The following STK24 variants were observed in gnomAD, a reference collection of about 807,000 sequenced individuals.
The protein encoded by STK24 is serine/threonine kinase 24, also known as serine/threonine-protein kinase 24.
A neutral mutation model predicts 55.6 loss-of-function variants in STK24; 21 were observed. That is an observed-to-expected ratio of 0.38 (90% CI 0.27 to 0.54). The LOEUF (loss-of-function observed/expected upper bound fraction) is 0.54. Among genes scored for constraint, STK24 ranks in the 20% least tolerant of loss-of-function variants. The probability of loss-of-function intolerance (pLI) is 0.79; values close to 1 mark genes in which losing one functional copy is unlikely to be tolerated. For synonymous variants in STK24, 200 were observed against 215.2 expected (o/e 0.93, Z 0.62); for missense variants, 383 against 538.4 (o/e 0.71, Z 2.86).
At chr13:98,533,673 T>A (rs1397855055) in intron 1 of STK24, among the ~76,000 whole-genome samples, 1 of 151,958 alleles carries the variant, frequency 6.6e-6, no homozygotes, top group Non-Finnish European at 1.5e-5. Flanking sequence ...AAGAAAAATA[T>A]AAATTCGATT....
chr13:98,575,575 C>T (rs1897868521), intron 1 of STK24, among the ~76,000 whole-genome samples: 2 of 152,128 alleles, frequency 1.3e-5, no homozygotes, highest in African/African-American at 4.8e-5. Context: ...GGGATGATCT[C>T]ACTGGAAGAG....
chr13:98,480,626 A>C (rs1004105389), intron 3 of STK24, among the ~76,000 whole-genome samples: 6 of 152,246 alleles, frequency 3.9e-5, no homozygotes, highest in African/African-American at 1.4e-4. Flanking sequence ...TATGGTTTAT[A>C]ATAATATTTG....
intron 2 of STK24, among the ~76,000 whole-genome samples, chr13:98,511,901 A>ATTTTTTT (rs10641055): frequency 1.4e-5 from 2 of 141,204 alleles, no homozygotes; most frequent in African/African-American, 5.3e-5. Context: ...TTTTACAGTA[A>ATTTTTTT]TTTTTTTTTT....
In STK24 at chr13:98,449,657, C is replaced by G. The variant is rs187736869; in HGVS notation, c.*3516G>C. ...ACTTGCAAACGGACGAAGAGCCTGC[C>G]GTGTGTTAATCATTTGCCTTACAAG... On this transcript the variant is annotated 3_prime_UTR_variant, in exon 11 of 11. Transcript: ENST00000539966. 1 of 152,568 alleles carries G rather than the reference C, an allele frequency of 6.6e-6. No individual in the cohort carries two copies. Among genetic ancestry groups the G allele is most frequent in the South Asian group, 2.1e-4 (1 of 4,814 alleles). The allele number at this position is 152,568 out of a possible 1,614,324, so 9.5% of individuals were successfully genotyped here. A position where few individuals can be genotyped will look rare whatever the true frequency, so the allele number is the denominator to read the frequency against.
At chr13:98,490,307 A>G (rs1429581841) in intron 2 of STK24, among the ~76,000 whole-genome samples, 1 of 152,234 alleles carries the variant, frequency 6.6e-6, no homozygotes, top group African/African-American at 2.4e-5. Flanking sequence ...CTAGAGAAAA[A>G]GAGTTTTTCC....
rs1222919909 is a variant in STK24 at position 98,450,545 on chromosome 13, G to C, written c.*2628C>G. ...GTGTCCACCTCATTGGCAGCAGCCA[G>C]CCAGGACACAGCTCAAAAACGCAGG... On this transcript the variant is annotated 3_prime_UTR_variant, in exon 11 of 11. Coordinates refer to ENST00000539966, the MANE Select transcript of STK24 (RefSeq NM_001032296.4). The C allele has an allele frequency of 6.6e-6, 1 of 152,358 alleles. No individual in the cohort carries two copies. Among genetic ancestry groups the C allele is most frequent in the Non-Finnish European group, 1.5e-5 (1 of 68,178 alleles). 9.4% of individuals were successfully genotyped at this position (152,358 alleles called of 1,614,324 possible).
rs1268485009 is a variant in STK24, at chr13:98,447,674, G to C, written c.*5499C>G. The stretch of plus-strand genomic sequence containing the variant: ...CCCATTTGAGAAGCACCGGTAGAGA[G>C]CAAATACACAAATATATAAAAAGGG... On this transcript the variant is annotated 3_prime_UTR_variant, in exon 11 of 11. Coordinates refer to ENST00000539966, the MANE Select transcript of STK24 (RefSeq NM_001032296.4). 1 of 154,308 alleles carries C rather than the reference G, an allele frequency of 6.5e-6. No individual in the cohort carries two copies. The highest frequency in any genetic ancestry group is 6.4e-5 in the Admixed American group (1 of 15,612). The allele number at this position is 154,308 out of a possible 1,614,324, so 9.6% of individuals were successfully genotyped here.
intron 5 of STK24, among the ~76,000 whole-genome samples, chr13:98,471,522 C>T (rs1001405009): frequency 1.3e-5 from 2 of 152,200 alleles, no homozygotes; most frequent in African/African-American, 4.8e-5. Context: ...AACCAAACTT[C>T]CCCAAATCAC....
chr13:98,501,656 C>G (rs1895468633), intron 2 of STK24, among the ~76,000 whole-genome samples: 1 of 152,032 alleles, frequency 6.6e-6, no homozygotes, highest in Admixed American at 6.6e-5. Flanking sequence ...ACTGTGTACC[C>G]ACAAAAATTA....
chr13:98,492,114 C>G (rs1451943130), intron 2 of STK24, among the ~76,000 whole-genome samples: 1 of 146,760 alleles, frequency 6.8e-6, no homozygotes, highest in East Asian at 2.0e-4. Context: ...TGTGTGTAAA[C>G]AAATCAACAG....
chr13:98,536,132 C>A (rs75268516), intron 1 of STK24, among the ~76,000 whole-genome samples: 2 of 152,086 alleles, frequency 1.3e-5, no homozygotes, highest in South Asian at 4.1e-4. Flanking sequence ...TAGGAACACA[C>A]GTATCCTGCC....
Position 98,488,872 on chromosome 13 carries a change from T to A in STK24, c.274-6551A>T, listed in dbSNP as rs188085497. 3.9e-5 allele frequency among the ~76,000 whole-genome samples: 6 copies of A among 152,208 alleles called. No individual in the cohort carries two copies. In the East Asian group the frequency reaches 1.2e-3, roughly 29 times the overall value. On this transcript the variant is annotated intron_variant, in intron 2 of 10. Transcript: ENST00000539966. ...AACAGTGAAGATTTTAAAACAGGAA[T>A]TCGAAACTGCAACTCTGCTCTGCAC...
At chr13:98,523,601 G>T (rs1163171001) in intron 1 of STK24, among the ~76,000 whole-genome samples, 1 of 152,198 alleles carries the variant, frequency 6.6e-6, no homozygotes, top group Non-Finnish European at 1.5e-5. Context: ...CGAAAATGGT[G>T]TGGTCAGAAA....
intron 5 of STK24, among the ~76,000 whole-genome samples, chr13:98,469,582 G>A (rs1380890140): frequency 6.6e-6 from 1 of 151,808 alleles, no homozygotes; most frequent in Non-Finnish European, 1.5e-5. Flanking sequence ...ATCCTACTAG[G>A]TAGCCATGCC....
chr13:98,576,672 C>A, intron 1 of STK24, 73 bp downstream of exon 1: 1 of 1,307,428 alleles, frequency 7.6e-7, no homozygotes, highest in Non-Finnish European at 1.0e-6. Flanking sequence ...TAGGGGGACG[C>A]CGTGTGGATA....
intron 1 of STK24, among the ~76,000 whole-genome samples, chr13:98,568,262 G>A (rs1190199931): frequency 6.6e-6 from 1 of 152,106 alleles, no homozygotes; most frequent in Non-Finnish European, 1.5e-5. Context: ...CTCCCAAAGT[G>A]CTGAGATTAC....
intron 2 of STK24, among the ~76,000 whole-genome samples, chr13:98,497,438 T>C (rs1594612670): frequency 6.6e-6 from 1 of 152,276 alleles, no homozygotes; most frequent in Non-Finnish European, 1.5e-5. Flanking sequence ...CACCAATGTT[T>C]CTGTTCCCTT....
Position 98,460,386 on chromosome 13 carries a change from G to A in STK24, c.1108C>T (p.Pro370Ser). The A allele has an allele frequency of 6.2e-7, 1 of 1,613,326 alleles. No individual in the cohort carries two copies. Among genetic ancestry groups the A allele is most frequent in the Non-Finnish European group, 8.5e-7 (1 of 1,179,506 alleles). Reference sequence around the variant, plus strand: ...CAGGTACCTACCTCTGCAAACAGAGGAGAAATAATTGTAGATAAACACTGA... The same window carrying A: ...CAGGTACCTACCTCTGCAAACAGAGAAGAAATAATTGTAGATAAACACTGA... ...FSQCLSTIIS[P>S]LFAELKEKSQ... is the part of the protein sequence containing the mutation. Residue 370 changes from proline to serine, a missense_variant, in exon 9 of 11, where the codon CCT (proline) becomes TCT (serine). Coordinates refer to ENST00000539966, the MANE Select transcript of STK24 (RefSeq NM_001032296.4).
intron 1 of STK24, among the ~76,000 whole-genome samples, chr13:98,533,040 G>A (rs1212525516): frequency 6.6e-6 from 1 of 152,238 alleles, no homozygotes; most frequent in Non-Finnish European, 1.5e-5. Flanking sequence ...TTGGCACAAA[G>A]AGAAATTAAA....
Sources: gnomAD v4.1 joint callset for allele counts (sites outside exome capture counted in the v4.1 genomes callset) on GRCh38, gnomAD v4.1.1 for gene constraint, MANE v1.5 for transcripts, NCBI Gene and HGNC (gene_info 2026-07-23, HGNC 2026-07-21) for gene names.